The following COBL variants were observed in gnomAD, a reference collection of about 807,000 sequenced individuals.
COBL encodes cordon-bleu WH2 repeat protein.
COBL carries 51 observed loss-of-function variants against 98.8 expected under a neutral mutation model. That is an observed-to-expected ratio of 0.52 (90% CI 0.41 to 0.65). The LOEUF (loss-of-function observed/expected upper bound fraction) is 0.65. Among genes scored for constraint, COBL ranks in the 30% least tolerant of loss-of-function variants. The pLI is 0.00. For missense variants in COBL, 1,617 were observed against 1,617.5 expected (o/e 1.00, Z 0.01); for synonymous variants, 634 against 651.7 (o/e 0.97, Z 0.41).
At chr7:51,025,457 C>A in intron 11 of COBL, 85 bp from the exon 12 acceptor site, 1 of 1,420,614 alleles carries the variant, frequency 7.0e-7, no homozygotes, top group Non-Finnish European at 9.8e-7. Context: ...AAGGTAGTGG[C>A]ATGAGGAGAT....
chr7:51,262,352 C>A (rs1405916990), intron 1 of COBL, among the ~76,000 whole-genome samples: 2 of 152,180 alleles, frequency 1.3e-5, no homozygotes, highest in Admixed American at 6.5e-5. Flanking sequence ...AGGAGGGAGA[C>A]CCTGGCCAGG....
At chr7:51,114,280 G>C (rs1241511046) in intron 6 of COBL, among the ~76,000 whole-genome samples, 3 of 151,752 alleles carry the variant, frequency 2.0e-5, no homozygotes, top group Non-Finnish European at 4.4e-5. Flanking sequence ...AGGCAAATCA[G>C]TGTGAGGAGT....
At chr7:51,248,468 G>T (rs914284404) in intron 1 of COBL, among the ~76,000 whole-genome samples, 1 of 152,122 alleles carries the variant, frequency 6.6e-6, no homozygotes, top group Non-Finnish European at 1.5e-5. Flanking sequence ...ACTGTCAGAC[G>T]ATCCATTGGT....
intron 1 of COBL, among the ~76,000 whole-genome samples, chr7:51,313,651 T>A (rs1221982844): frequency 6.6e-6 from 1 of 152,126 alleles, no homozygotes; most frequent in Non-Finnish European, 1.5e-5. Context: ...AAAAAAAAAA[T>A]TAAGCATGGT....
chr7:51,207,422 CGCACTT>C, intron 2 of COBL, among the ~76,000 whole-genome samples: 1 of 152,280 alleles, frequency 6.6e-6, no homozygotes, highest in Non-Finnish European at 1.5e-5. Context: ...CCCTCTCCCT[CGCACTT>C]GCCCCATGGT....
intron 5 of COBL, among the ~76,000 whole-genome samples, chr7:51,143,045 C>A (rs1001050411): frequency 6.6e-6 from 1 of 151,992 alleles, no homozygotes; most frequent in Non-Finnish European, 1.5e-5. Flanking sequence ...AGAGGAAGGG[C>A]ATCAAAGGGG....
At position 51,208,439 on chromosome 7, in the gene COBL, G is replaced by GT. The variant is rs1281114452; in HGVS notation, c.245+11301_245+11302insA. Among the ~76,000 whole-genome samples the GT allele has an allele frequency of 4.0e-3, 538 of 133,890 alleles. 10 individuals carry two copies. The highest frequency in any genetic ancestry group is 6.9e-3 in the Non-Finnish European group (407 of 58,928). 87.8% of individuals were successfully genotyped at this position (133,890 alleles called of 152,430 possible). The stretch of plus-strand genomic sequence containing the variant: ...GCCGCCCCGTCCGGGAGGGAGGTGG[G>GT]GGGGGTCAGCCCCCCGCCCGGCCAG... On this transcript the variant is annotated intron_variant, in intron 2 of 12. Transcript: ENST00000265136.
At chr7:51,203,965 A>G (rs969864714) in intron 2 of COBL, among the ~76,000 whole-genome samples, 1 of 152,242 alleles carries the variant, frequency 6.6e-6, no homozygotes, top group Non-Finnish European at 1.5e-5. Flanking sequence ...ATGGATGCAG[A>G]AATCCTCAAT....
intron 1 of COBL, among the ~76,000 whole-genome samples, chr7:51,313,768 AT>A (rs1392716292): frequency 6.6e-6 from 1 of 152,240 alleles, no homozygotes. Flanking sequence ...TCCTATAAAT[AT>A]TCAGACAAAC....
intron 2 of COBL, among the ~76,000 whole-genome samples, chr7:51,218,436 TACTC>T (rs1793303631): frequency 6.6e-6 from 1 of 152,240 alleles, no homozygotes; most frequent in African/African-American, 2.4e-5. Context: ...CCATTAAAAT[TACTC>T]AAGCAAACTG....
At position 51,190,968 on chromosome 7, in the gene COBL, C is replaced by T. The variant is rs1438736434; in HGVS notation, c.567G>A (p.Glu189=). 6.2e-7 allele frequency: 1 copy of T among 1,614,048 alleles called. No homozygotes were observed. The highest frequency in any genetic ancestry group is 8.5e-7 in the Non-Finnish European group (1 of 1,180,036). The change falls in exon 4 of 13, where the codon GAG becomes GAA. Residue 189 remains glutamate, a synonymous_variant. Coordinates refer to ENST00000265136, the MANE Select transcript of COBL (RefSeq NM_015198.5). ...NILPVICAKC[E]VSPEHVVLLR... ...GGAGAACCACGTGCTCTGGGCTGAC[C>T]TCACACTTTGCACAAATGACTGGGA...
At chr7:51,281,678 A>C (rs1050440631) in intron 1 of COBL, among the ~76,000 whole-genome samples, 2 of 152,054 alleles carry the variant, frequency 1.3e-5, no homozygotes, top group Non-Finnish European at 2.9e-5. Context: ...CCATGTTACT[A>C]TATCCAGTAA....
chr7:51,209,816 G>T (rs1383257604), intron 2 of COBL, among the ~76,000 whole-genome samples: 1 of 152,102 alleles, frequency 6.6e-6, no homozygotes, highest in East Asian at 1.9e-4. Context: ...CCACCAAGAG[G>T]CTGTCTCTAC....
chr7:51,210,279 T>G (rs1792288747), intron 2 of COBL, among the ~76,000 whole-genome samples: 1 of 149,248 alleles, frequency 6.7e-6, no homozygotes, highest in Non-Finnish European at 1.5e-5. Context: ...AAATTTAAAT[T>G]GGGGGGAGGC....
intron 1 of COBL, among the ~76,000 whole-genome samples, chr7:51,264,064 G>C (rs113715546): frequency 0.011 from 1,644 of 152,290 alleles, 24 homozygotes; most frequent in African/African-American, 0.037. Flanking sequence ...AACAAAACTA[G>C]TGAGGAAGAG....
At chr7:51,083,885 G>T (rs1350370159) in intron 7 of COBL, among the ~76,000 whole-genome samples, 2 of 152,146 alleles carry the variant, frequency 1.3e-5, no homozygotes, top group African/African-American at 4.8e-5. Flanking sequence ...CTGGCCTAGG[G>T]ATTGGCACGA....
intron 2 of COBL, among the ~76,000 whole-genome samples, chr7:51,201,692 G>A (rs1791145566): frequency 6.6e-6 from 1 of 152,122 alleles, no homozygotes; most frequent in Non-Finnish European, 1.5e-5. Flanking sequence ...ACATTCTTCA[G>A]GGTATATAAC....
intron 2 of COBL, among the ~76,000 whole-genome samples, chr7:51,196,472 G>A (rs1342293909): frequency 6.6e-6 from 1 of 152,062 alleles, no homozygotes; most frequent in Non-Finnish European, 1.5e-5. Context: ...TTTGTGTGTG[G>A]TGTCCCTGTC....
At chr7:51,109,536 C>G (rs2128974982) in intron 6 of COBL, among the ~76,000 whole-genome samples, 1 of 152,238 alleles carries the variant, frequency 6.6e-6, no homozygotes, top group South Asian at 2.1e-4. Flanking sequence ...CCCTGGCTAC[C>G]CCTGCTTTTA....
Sources: allele counts gnomAD v4.1 joint callset (sites outside exome capture counted in the v4.1 genomes callset), GRCh38; gene constraint gnomAD v4.1.1; transcripts MANE v1.5; gene names NCBI Gene and HGNC (gene_info 2026-07-23, HGNC 2026-07-21).